NRG1: variants seen among roughly 807,000 people sequenced by gnomAD.
The protein encoded by NRG1 is neuregulin 1.
NRG1 carries 18 observed loss-of-function variants against 63.8 expected under a neutral mutation model. The ratio of observed to expected loss-of-function variants is 0.28; its 90% CI spans 0.19 to 0.42. The LOEUF is 0.42. Ranked by LOEUF, NRG1 falls within the 10% of genes least tolerant of loss-of-function variation. NRG1 has a pLI of 1.00. For missense variants in NRG1, 762 were observed against 814.7 expected (o/e 0.94, Z 0.79); for synonymous variants, 302 against 301.3 (o/e 1.00, Z -0.02).
intron 1 of NRG1, among the ~76,000 whole-genome samples, chr8:32,187,593 G>A (rs1036648253): frequency 2.6e-5 from 4 of 152,090 alleles, no homozygotes; most frequent in African/African-American, 9.7e-5. Context: ...GATTTGTGAA[G>A]CATTCATCTT....
chr8:32,470,111 G>C (rs1168415728), intron 1 of NRG1, among the ~76,000 whole-genome samples: 1 of 146,156 alleles, frequency 6.8e-6, no homozygotes, highest in Non-Finnish European at 1.5e-5. Flanking sequence ...GACTTCATGT[G>C]ATCCGCCCGC....
chr8:32,238,554 G>C (rs568296729), intron 1 of NRG1, among the ~76,000 whole-genome samples: 1 of 152,152 alleles, frequency 6.6e-6, no homozygotes, highest in African/African-American at 2.4e-5. Flanking sequence ...CTGAGGCTCA[G>C]GTGTCCTTGG....
intron 1 of NRG1, among the ~76,000 whole-genome samples, chr8:31,695,413 G>T (rs1363263905): frequency 1.3e-5 from 2 of 152,130 alleles, no homozygotes; most frequent in Non-Finnish European, 1.5e-5. Flanking sequence ...TAAGTGATCT[G>T]CCTGCAGTGG....
intron 5 of NRG1, among the ~76,000 whole-genome samples, chr8:32,699,361 A>C (rs772463244): frequency 3.9e-5 from 6 of 152,210 alleles, no homozygotes; most frequent in Non-Finnish European, 7.3e-5. Context: ...AAAAATGGAA[A>C]TCAGTAAATT....
At chr8:31,843,535 T>C (rs969456695) in intron 1 of NRG1, among the ~76,000 whole-genome samples, 1 of 152,202 alleles carries the variant, frequency 6.6e-6, no homozygotes, top group Non-Finnish European at 1.5e-5. Context: ...CTAAGGCTGG[T>C]GCTTTCTGGT....
intron 1 of NRG1, among the ~76,000 whole-genome samples, chr8:31,793,757 T>C (rs982881063): frequency 6.6e-6 from 1 of 152,198 alleles, no homozygotes; most frequent in Non-Finnish European, 1.5e-5. Flanking sequence ...AAGAAATTTA[T>C]TTTCTACTTG....
rs567970541 is a variant in NRG1 at position 32,095,761 on chromosome 8, G to A, written c.37+456330G>A. ...TAATATCAACATTTATACAAATATC[G>A]ACTCAGTACAGATAAAAAATAGAAA... is the stretch of plus-strand genomic sequence containing the variant. On this transcript the variant is annotated intron_variant, in intron 1 of 10. Transcript: ENST00000519301. 2.6e-5 allele frequency among the ~76,000 whole-genome samples: 4 copies of A among 152,072 alleles called. 1 individual carries two copies. Among genetic ancestry groups the A allele is most frequent in the Middle Eastern group, 6.8e-3 (2 of 294 alleles).
intron 1 of NRG1, among the ~76,000 whole-genome samples, chr8:31,888,575 A>G (rs1253098099): frequency 6.6e-6 from 1 of 151,738 alleles, no homozygotes; most frequent in Non-Finnish European, 1.5e-5. Flanking sequence ...AGGTCAGTGC[A>G]TTTTTTTCCT....
chr8:31,669,865 C>A (rs114993762), intron 1 of NRG1, among the ~76,000 whole-genome samples: 2 of 151,976 alleles, frequency 1.3e-5, no homozygotes, highest in African/African-American at 4.8e-5. Flanking sequence ...GTTTTGATTG[C>A]GACTGGTCAC....
intron 5 of NRG1, among the ~76,000 whole-genome samples, chr8:32,719,531 G>A (rs1268794575): frequency 6.6e-6 from 1 of 151,864 alleles, no homozygotes; most frequent in Non-Finnish European, 1.5e-5. Flanking sequence ...TAACATGTTT[G>A]ACACACATAA....
intron 5 of NRG1, among the ~76,000 whole-genome samples, chr8:32,667,885 G>C (rs2128887961): frequency 6.6e-6 from 1 of 152,198 alleles, no homozygotes; most frequent in South Asian, 2.1e-4. Context: ...TGATGGCAAA[G>C]GGGAAGAAGG....
chr8:32,609,687 T>G (rs1846020755), intron 3 of NRG1, among the ~76,000 whole-genome samples: 1 of 140,842 alleles, frequency 7.1e-6, no homozygotes, highest in Admixed American at 7.2e-5. Flanking sequence ...TTTTAAATGG[T>G]GTTTCGCTGT....
chr8:31,748,307 T>C (rs984455880), intron 1 of NRG1, among the ~76,000 whole-genome samples: 2 of 151,954 alleles, frequency 1.3e-5, no homozygotes, highest in African/African-American at 2.4e-5. Context: ...ATTAACTCAT[T>C]GAGTCCTCAC....
chr8:31,953,108 GT>G (rs139779077), intron 1 of NRG1, among the ~76,000 whole-genome samples: 221 of 149,884 alleles, frequency 1.5e-3, no homozygotes, highest in East Asian at 8.2e-3. Flanking sequence ...AGCAAAAAGG[GT>G]TTTTTTTTTC....
chr8:32,201,826 A>T (rs1843526039), intron 1 of NRG1, among the ~76,000 whole-genome samples: 2 of 152,228 alleles, frequency 1.3e-5, no homozygotes. Context: ...TAATCCAAGA[A>T]GTGCCAACAC....
intron 1 of NRG1, among the ~76,000 whole-genome samples, chr8:32,082,167 A>G (rs1010469814): frequency 3.4e-4 from 52 of 151,130 alleles, no homozygotes; most frequent in African/African-American, 1.2e-3. Context: ...AGAGCATCCT[A>G]TCTCCATCAA....
At chr8:32,099,072 A>G (rs985775480) in intron 1 of NRG1, among the ~76,000 whole-genome samples, 1 of 152,190 alleles carries the variant, frequency 6.6e-6, no homozygotes, top group African/African-American at 2.4e-5. Context: ...GAAAGCATGA[A>G]AATACGTTGC....
At chr8:32,380,175 T>G (rs767130402) in intron 1 of NRG1, among the ~76,000 whole-genome samples, 1 of 152,104 alleles carries the variant, frequency 6.6e-6, no homozygotes, top group African/African-American at 2.4e-5. Context: ...TCCAACAAAG[T>G]TGGCCATTCT....
chr8:32,759,933 A>G (rs146994279), intron 10 of NRG1, among the ~76,000 whole-genome samples: 798 of 152,298 alleles, frequency 5.2e-3, no homozygotes, highest in Middle Eastern at 0.017. Flanking sequence ...GATTATAATT[A>G]TATACTGAGG....
Sources: gnomAD v4.1 joint callset for allele counts (sites outside exome capture counted in the v4.1 genomes callset) on GRCh38, gnomAD v4.1.1 for gene constraint, MANE v1.5 for transcripts, NCBI Gene and HGNC (gene_info 2026-07-23, HGNC 2026-07-21) for gene names.